The following IMMP2L variants were observed in gnomAD, a reference collection of about 807,000 sequenced individuals.
The protein encoded by IMMP2L is inner mitochondrial membrane peptidase subunit 2.
A neutral mutation model predicts 19.3 loss-of-function variants in IMMP2L; 18 were observed. The ratio of observed to expected loss-of-function variants is 0.93; its 90% CI spans 0.64 to 1.38. IMMP2L has a LOEUF of 1.38. Among genes scored for constraint, IMMP2L ranks in the 40% most tolerant of loss-of-function variants. The pLI, the probability that IMMP2L is intolerant of heterozygous loss-of-function variation, is 0.00. For synonymous variants in IMMP2L, 76 were observed against 73.0 expected, an observed-to-expected ratio of 1.04 and a Z score of -0.21; for missense variants, 233 against 218.2, an observed-to-expected ratio of 1.07 and a Z score of -0.43.
At chr7:111,131,512 C>A (rs1230845144) in intron 3 of IMMP2L, among the ~76,000 whole-genome samples, 1 of 151,702 alleles carries the variant, frequency 6.6e-6, no homozygotes, top group Non-Finnish European at 1.5e-5. Flanking sequence ...TGAATATGTG[C>A]CAGATTAACA....
At chr7:111,077,756 TG>T (rs1479488045) in intron 3 of IMMP2L, among the ~76,000 whole-genome samples, 1 of 152,226 alleles carries the variant, frequency 6.6e-6, no homozygotes, top group Non-Finnish European at 1.5e-5. Flanking sequence ...TTCCTTTCCA[TG>T]GTTCGCAAGA....
chr7:110,928,150 A>C (rs1815064152), intron 4 of IMMP2L, among the ~76,000 whole-genome samples: 2 of 152,038 alleles, frequency 1.3e-5, no homozygotes, highest in Non-Finnish European at 2.9e-5. Context: ...AAAACACAAC[A>C]AACCCCTAAA....
intron 3 of IMMP2L, among the ~76,000 whole-genome samples, chr7:111,013,664 C>A (rs1243885262): frequency 6.6e-6 from 1 of 152,142 alleles, no homozygotes; most frequent in African/African-American, 2.4e-5. Flanking sequence ...CCCATATATG[C>A]CCCTTGCCTA....
chr7:110,935,346 G>A (rs1200945124), intron 4 of IMMP2L, among the ~76,000 whole-genome samples: 1 of 152,126 alleles, frequency 6.6e-6, no homozygotes, highest in African/African-American at 2.4e-5. Context: ...CTGGCTTGTA[G>A]GGTTTCTGCA....
At chr7:111,465,821 C>T (rs546666246) in intron 3 of IMMP2L, among the ~76,000 whole-genome samples, 7 of 152,256 alleles carry the variant, frequency 4.6e-5, no homozygotes, top group Non-Finnish European at 8.8e-5. Context: ...AATCCCATTA[C>T]TGGGTATATA....
intron 3 of IMMP2L, among the ~76,000 whole-genome samples, chr7:111,212,804 A>G (rs1401064128): frequency 6.6e-6 from 1 of 152,200 alleles, no homozygotes; most frequent in Non-Finnish European, 1.5e-5. Flanking sequence ...AACATGTTAG[A>G]TTTGTGGATT....
intron 5 of IMMP2L, among the ~76,000 whole-genome samples, chr7:110,750,602 C>A (rs1214631934): frequency 6.6e-6 from 1 of 152,030 alleles, no homozygotes; most frequent in Non-Finnish European, 1.5e-5. Context: ...GTGACTCACT[C>A]TGGAAAATCA....
intron 5 of IMMP2L, among the ~76,000 whole-genome samples, chr7:110,791,574 C>T (rs749251360): frequency 5.3e-5 from 8 of 151,672 alleles, no homozygotes; most frequent in Non-Finnish European, 4.4e-5. Context: ...AACAATATTC[C>T]TCTTTCTCTC....
chr7:111,379,831 A>T (rs1831027549), intron 3 of IMMP2L, among the ~76,000 whole-genome samples: 1 of 151,860 alleles, frequency 6.6e-6, no homozygotes, highest in African/African-American at 2.4e-5. Flanking sequence ...TGCAATTTTT[A>T]GACGAAATAA....
At chr7:111,131,429 T>C (rs1412002094) in intron 3 of IMMP2L, among the ~76,000 whole-genome samples, 1 of 152,068 alleles carries the variant, frequency 6.6e-6, no homozygotes, top group African/African-American at 2.4e-5. Flanking sequence ...TATATTTACT[T>C]GAGTAGAAAG....
At chr7:110,679,392 C>T (rs1420358039) in intron 5 of IMMP2L, among the ~76,000 whole-genome samples, 3 of 152,108 alleles carry the variant, frequency 2.0e-5, no homozygotes, top group Non-Finnish European at 2.9e-5. Context: ...ACATTACCAA[C>T]CGATGTCTCA....
intron 3 of IMMP2L, among the ~76,000 whole-genome samples, chr7:111,106,840 C>T (rs1265352209): frequency 6.6e-6 from 1 of 150,932 alleles, no homozygotes; most frequent in Admixed American, 6.6e-5. Flanking sequence ...TTCCACTGTT[C>T]TCAATTTAAA....
chr7:110,792,091 C>T (rs571336384), intron 5 of IMMP2L, among the ~76,000 whole-genome samples: 1 of 151,894 alleles, frequency 6.6e-6, no homozygotes, highest in South Asian at 2.1e-4. Flanking sequence ...CATCTATGTA[C>T]ACTTCATTTT....
chr7:111,353,039 A>T (rs1370311105), intron 3 of IMMP2L, among the ~76,000 whole-genome samples: 2 of 152,096 alleles, frequency 1.3e-5, no homozygotes, highest in Non-Finnish European at 2.9e-5. Context: ...ATAGTTAACC[A>T]TCTCCATCTA....
At chr7:110,994,244 C>T (rs1222665811) in intron 3 of IMMP2L, among the ~76,000 whole-genome samples, 1 of 151,888 alleles carries the variant, frequency 6.6e-6, no homozygotes, top group Non-Finnish European at 1.5e-5. Context: ...CTCTTGATTT[C>T]ACACAAGCCA....
intron 3 of IMMP2L, among the ~76,000 whole-genome samples, chr7:110,987,530 G>A (rs1283664386): frequency 6.6e-6 from 1 of 152,148 alleles, no homozygotes; most frequent in Non-Finnish European, 1.5e-5. Flanking sequence ...GGGAACACTA[G>A]TTTTAGGAAT....
chr7:111,144,683 G>A (rs1251904531), intron 3 of IMMP2L, among the ~76,000 whole-genome samples: 1 of 152,038 alleles, frequency 6.6e-6, no homozygotes, highest in East Asian at 1.9e-4. Flanking sequence ...CAGTAGACAA[G>A]AAATAAGTGA....
At chr7:110,889,781 C>A (rs762179773) in intron 4 of IMMP2L, among the ~76,000 whole-genome samples, 1 of 152,206 alleles carries the variant, frequency 6.6e-6, no homozygotes, top group Non-Finnish European at 1.5e-5. Flanking sequence ...CTTACATGAT[C>A]TGCACAAGTT....
chr7:111,111,999 G>A (rs1799289001), intron 3 of IMMP2L, among the ~76,000 whole-genome samples: 1 of 135,422 alleles, frequency 7.4e-6, no homozygotes, highest in Non-Finnish European at 1.5e-5. Flanking sequence ...CCAGGCTGGA[G>A]TGCAGTGGTG....
Sources: gnomAD v4.1 joint callset for allele counts (sites outside exome capture counted in the v4.1 genomes callset) on GRCh38, gnomAD v4.1.1 for gene constraint, MANE v1.5 for transcripts, NCBI Gene and HGNC (gene_info 2026-07-23, HGNC 2026-07-21) for gene names.